SH3GL2: variants seen among roughly 807,000 people sequenced by gnomAD.
The protein encoded by SH3GL2 is endophilin-A1.
SH3GL2 carries 24 observed loss-of-function variants against 46.0 expected under a neutral mutation model. The observed-to-expected ratio is 0.52, with a 90% confidence interval of 0.38 to 0.73. SH3GL2 has a LOEUF of 0.73. Among genes scored for constraint, SH3GL2 ranks in the 30% least tolerant of loss-of-function variants. SH3GL2 has a pLI of 0.00. For synonymous variants in SH3GL2, 196 were observed against 147.1 expected (o/e 1.33, Z -2.40); for missense variants, 413 against 424.2 (o/e 0.97, Z 0.23).
At chr9:17,700,031 G>A (rs11791082) in intron 1 of SH3GL2, among the ~76,000 whole-genome samples, 11,499 of 146,772 alleles carry the variant, frequency 0.078, 604 homozygotes, top group Admixed American at 0.14. Flanking sequence ...TCCTTGTCAC[G>A]CTTGCTGATG....
intron 6 of SH3GL2, chr9:17,789,840 T>A (rs528201748): frequency 1.7e-5 from 14 of 847,390 alleles, no homozygotes; most frequent in Non-Finnish European, 2.0e-5. Context: ...TCATGTAATT[T>A]ATCGAATAAC....
At chr9:17,644,715 C>A (rs1186174991) in intron 1 of SH3GL2, among the ~76,000 whole-genome samples, 2 of 152,058 alleles carry the variant, frequency 1.3e-5, no homozygotes, top group African/African-American at 4.8e-5. Context: ...CATTTTTTTG[C>A]ATTTGCTGAG....
At chr9:17,708,215 A>G (rs1821524589) in intron 1 of SH3GL2, among the ~76,000 whole-genome samples, 2 of 151,938 alleles carry the variant, frequency 1.3e-5, no homozygotes, top group East Asian at 1.9e-4. Context: ...CTGCTTCTGG[A>G]CATCCTCATC....
intron 1 of SH3GL2, among the ~76,000 whole-genome samples, chr9:17,652,885 G>T (rs7033440): frequency 0.055 from 8,348 of 152,084 alleles, 349 homozygotes; most frequent in African/African-American, 0.1. Context: ...ATATTTTCAG[G>T]TACATATACC....
At chr9:17,648,732 T>A (rs1265985979) in intron 1 of SH3GL2, among the ~76,000 whole-genome samples, 1 of 152,218 alleles carries the variant, frequency 6.6e-6, no homozygotes, top group Non-Finnish European at 1.5e-5. Context: ...TTGGCAGATC[T>A]CACATAATTT....
intron 1 of SH3GL2, among the ~76,000 whole-genome samples, chr9:17,711,073 G>T (rs1821608751): frequency 6.6e-6 from 1 of 151,808 alleles, no homozygotes; most frequent in Admixed American, 6.6e-5. Context: ...GGAAAAAATT[G>T]TGTCTATTTA....
intron 1 of SH3GL2, among the ~76,000 whole-genome samples, chr9:17,671,372 A>G (rs976483206): frequency 1.3e-5 from 2 of 152,102 alleles, no homozygotes; most frequent in African/African-American, 2.4e-5. Flanking sequence ...GTTACTGGAG[A>G]TTAGGAAGGG....
chr9:17,613,805 T>C (rs1563781837), intron 1 of SH3GL2, among the ~76,000 whole-genome samples: 1 of 152,210 alleles, frequency 6.6e-6, no homozygotes, highest in Non-Finnish European at 1.5e-5. Context: ...CACGGACATT[T>C]GGAAATTCTT....
Position 17,611,729 on chromosome 9 carries a change from C to T in SH3GL2, c.45+32442C>T, listed in dbSNP as rs1818871872. Among the ~76,000 whole-genome samples, 4 of 152,166 alleles carry T rather than the reference C, an allele frequency of 2.6e-5. 1 individual carries two copies. In the South Asian group the frequency reaches 8.3e-4, roughly 32 times the overall value. ...ACTGCAGTCTTCTTACTCTGGGGGC[C>T]TTGCCCTTGCTACACCCCGTCAGGA... is the stretch of plus-strand genomic sequence containing the variant. On this transcript the variant is annotated intron_variant, in intron 1 of 8. Transcript: ENST00000380607.
intron 1 of SH3GL2, among the ~76,000 whole-genome samples, chr9:17,697,992 T>C (rs3808699): frequency 6.6e-6 from 1 of 152,234 alleles, no homozygotes; most frequent in East Asian, 1.9e-4. Flanking sequence ...CGTTTGTCTG[T>C]GTGCTTGTTC....
chr9:17,654,740 G>T (rs1433470527), intron 1 of SH3GL2, among the ~76,000 whole-genome samples: 2 of 152,190 alleles, frequency 1.3e-5, no homozygotes, highest in Non-Finnish European at 2.9e-5. Context: ...GAAATAGCAT[G>T]CTGGCAGGAA....
chr9:17,661,535 T>A (rs1190825187), intron 1 of SH3GL2, among the ~76,000 whole-genome samples: 1 of 152,218 alleles, frequency 6.6e-6, no homozygotes, highest in East Asian at 1.9e-4. Flanking sequence ...TATATATACA[T>A]GGCCATCAAT....
chr9:17,768,206 C>T (rs528205507), intron 3 of SH3GL2, among the ~76,000 whole-genome samples: 1 of 151,742 alleles, frequency 6.6e-6, no homozygotes, highest in African/African-American at 2.4e-5. Context: ...TCTGTCTCTA[C>T]TAAAAATACA....
In SH3GL2 at chr9:17,789,526, C is replaced by T. The variant is rs1391838013; in HGVS notation, c.600C>T (p.Ser200=). The change falls in exon 6 of 9, where the codon AGC becomes AGT. Residue 200 remains serine (S), a synonymous_variant. Coordinates refer to ENST00000380607, the MANE Select transcript of SH3GL2 (RefSeq NM_003026.5). ...AGTCTAAGGAAATTGCTGAGTCAAG[C>T]ATGTTCAATCTCTTGGAGATGGATG... ...FDESKEIAES[S]MFNLLEMDIE... The T allele has an allele frequency of 6.2e-7, 1 of 1,613,216 alleles. No homozygotes were observed. Among genetic ancestry groups the T allele is most frequent in the East Asian group, 2.2e-5 (1 of 44,830 alleles).
chr9:17,694,992 C>T (rs183124417), intron 1 of SH3GL2, among the ~76,000 whole-genome samples: 1 of 151,958 alleles, frequency 6.6e-6, no homozygotes, highest in Admixed American at 6.6e-5. Flanking sequence ...ATAAAATTTT[C>T]ACTAGACATG....
At chr9:17,662,317 G>A (rs532817379) in intron 1 of SH3GL2, among the ~76,000 whole-genome samples, 4 of 152,326 alleles carry the variant, frequency 2.6e-5, no homozygotes, top group African/African-American at 9.6e-5. Flanking sequence ...GTGACCCAGA[G>A]TGGTCAGCAT....
intron 1 of SH3GL2, among the ~76,000 whole-genome samples, chr9:17,659,338 T>C (rs1353484699): frequency 1.3e-5 from 2 of 152,314 alleles, no homozygotes; most frequent in South Asian, 2.1e-4. Flanking sequence ...CAGAAGTAGA[T>C]GCTGTTGCTA....
chr9:17,779,504 G>C (rs796358909), intron 3 of SH3GL2, among the ~76,000 whole-genome samples: 2 of 152,054 alleles, frequency 1.3e-5, no homozygotes, highest in African/African-American at 4.8e-5. Context: ...TATAGATGCA[G>C]CCCATCCCTC....
At chr9:17,594,764 C>T (rs1442561890) in intron 1 of SH3GL2, among the ~76,000 whole-genome samples, 1 of 152,078 alleles carries the variant, frequency 6.6e-6, no homozygotes, top group Non-Finnish European at 1.5e-5. Context: ...AGAGAAGGAC[C>T]CTGCCATTCT....
Sources: allele counts gnomAD v4.1 joint callset (sites outside exome capture counted in the v4.1 genomes callset), GRCh38; gene constraint gnomAD v4.1.1; transcripts MANE v1.5; gene names NCBI Gene and HGNC (gene_info 2026-07-23, HGNC 2026-07-21).